The following SAMD5 variants were observed in gnomAD, a reference collection of about 807,000 sequenced individuals.
The protein encoded by SAMD5 is sterile alpha motif domain-containing protein 5.
A neutral mutation model predicts 11.3 loss-of-function variants in SAMD5; 13 were observed. That is an observed-to-expected ratio of 1.15 (90% confidence interval 0.75 to 1.83). The LOEUF is 1.83. Among genes scored for constraint, SAMD5 ranks in the 40% most tolerant of loss-of-function variants. The pLI is 0.00. For synonymous variants in SAMD5, 129 were observed against 111.3 expected, an observed-to-expected ratio of 1.16 and a Z score of -1.00; for missense variants, 255 against 239.1, an observed-to-expected ratio of 1.07 and a Z score of -0.44.
At chr6:147,539,751 A>T (rs1442525255) in intron 1 of SAMD5, among the ~76,000 whole-genome samples, 1 of 152,034 alleles carries the variant, frequency 6.6e-6, no homozygotes, top group African/African-American at 2.4e-5. Context: ...AGAAGAAAAA[A>T]CTTTTTTCTA....
At chr6:147,543,803 T>C (rs1281552918) in intron 1 of SAMD5, among the ~76,000 whole-genome samples, 1 of 152,116 alleles carries the variant, frequency 6.6e-6, no homozygotes, top group African/African-American at 2.4e-5. Context: ...TTCTTCAGGA[T>C]GAGGTGATCT....
chr6:147,895,221 G>C, the SAMD5 span, among the ~76,000 whole-genome samples: 1 of 152,116 alleles, frequency 6.6e-6, no homozygotes, highest in Admixed American at 6.5e-5. Flanking sequence ...AGGTGACAAA[G>C]TCCTTAAGAC....
chr6:147,756,944 A>G, the SAMD5 span, among the ~76,000 whole-genome samples: 1 of 152,226 alleles, frequency 6.6e-6, no homozygotes, highest in African/African-American at 2.4e-5. Flanking sequence ...TAGCATGTCA[A>G]GTGGATGTGT....
Position 147,691,404 on chromosome 6 carries a change from A to G in SAMD5, c.163-45913A>G, listed in dbSNP as rs756015221. Among the ~76,000 whole-genome samples the G allele has an allele frequency of 1.2e-4, 19 of 152,350 alleles. 1 individual carries two copies. The highest frequency in any genetic ancestry group is 4.1e-4 in the South Asian group (2 of 4,830). On this transcript the variant is annotated intron_variant, in intron 1 of 1. Coordinates refer to the SAMD5 transcript ENST00000566741. ...TTCAGTCATTAATTAATACAAAAAT[A>G]TCTTCTTTTCTCCAAATTATAGATA...
chr6:147,771,308 T>G, the SAMD5 span, among the ~76,000 whole-genome samples: 1 of 152,206 alleles, frequency 6.6e-6, no homozygotes, highest in Non-Finnish European at 1.5e-5. Context: ...GGTATGCCTG[T>G]GATGGCACAT....
intron 1 of SAMD5, among the ~76,000 whole-genome samples, chr6:147,695,311 T>G (rs2128457350): frequency 6.7e-6 from 1 of 150,340 alleles, no homozygotes; most frequent in East Asian, 1.9e-4. Flanking sequence ...TGCTTTGAGT[T>G]TCTATGATTT....
the SAMD5 span, among the ~76,000 whole-genome samples, chr6:147,847,780 G>A: frequency 3.9e-5 from 6 of 152,144 alleles, no homozygotes; most frequent in African/African-American, 1.4e-4. Flanking sequence ...TTGAACCTGG[G>A]AGATAGAGGT....
At chr6:147,744,199 T>C in the SAMD5 span, among the ~76,000 whole-genome samples, 2 of 152,208 alleles carry the variant, frequency 1.3e-5, no homozygotes, top group South Asian at 4.1e-4. Context: ...ACTAGCTGTG[T>C]GACCTTAGGT....
At chr6:147,526,561 C>T (rs376331189) in intron 1 of SAMD5, among the ~76,000 whole-genome samples, 33 of 152,124 alleles carry the variant, frequency 2.2e-4, no homozygotes, top group African/African-American at 3.6e-4. Flanking sequence ...ATCTTTCAGC[C>T]GTAACTGAAT....
At chr6:147,757,356 T>A in the SAMD5 span, among the ~76,000 whole-genome samples, 1 of 152,166 alleles carries the variant, frequency 6.6e-6, no homozygotes, top group Non-Finnish European at 1.5e-5. Context: ...CCTCATTCAT[T>A]TGCAGCTGGG....
chr6:147,643,845 C>T (rs560586555), intron 1 of SAMD5, among the ~76,000 whole-genome samples: 49 of 151,444 alleles, frequency 3.2e-4, no homozygotes, highest in Non-Finnish European at 6.3e-4. Context: ...AAAGAAGAGT[C>T]TTTACTAAAA....
the SAMD5 span, among the ~76,000 whole-genome samples, chr6:147,937,476 T>C: frequency 6.6e-6 from 1 of 152,218 alleles, no homozygotes; most frequent in Non-Finnish European, 1.5e-5. Context: ...TTTAGAATCC[T>C]CCTAGGCTGA....
the SAMD5 span, among the ~76,000 whole-genome samples, chr6:147,906,737 A>G: frequency 1.3e-5 from 2 of 152,184 alleles, no homozygotes; most frequent in Middle Eastern, 3.2e-3. Context: ...TAGATCAAAC[A>G]ACATGCAATG....
intron 1 of SAMD5, among the ~76,000 whole-genome samples, chr6:147,680,043 A>G (rs73011947): frequency 0.12 from 17,463 of 148,408 alleles, 1,096 homozygotes; most frequent in African/African-American, 0.16. Flanking sequence ...TGTAACTCCA[A>G]TATTGTTCTC....
At chr6:147,637,756 C>G (rs1196019500) in intron 1 of SAMD5, among the ~76,000 whole-genome samples, 3 of 152,162 alleles carry the variant, frequency 2.0e-5, no homozygotes, top group Non-Finnish European at 4.4e-5. Context: ...GGTTCATTCT[C>G]ACTCTTGTGC....
chr6:147,765,525 C>T, the SAMD5 span, among the ~76,000 whole-genome samples: 1 of 152,116 alleles, frequency 6.6e-6, no homozygotes, highest in Non-Finnish European at 1.5e-5. Context: ...AGAGAAAAGG[C>T]AACAGTGGAA....
chr6:147,769,914 G>T, the SAMD5 span, among the ~76,000 whole-genome samples: 1 of 152,202 alleles, frequency 6.6e-6, no homozygotes, highest in Admixed American at 6.5e-5. Context: ...CGCAGAGTGT[G>T]CATGAATCCA....
At chr6:147,785,684 T>C in the SAMD5 span, among the ~76,000 whole-genome samples, 1 of 152,162 alleles carries the variant, frequency 6.6e-6, no homozygotes, top group Non-Finnish European at 1.5e-5. Context: ...AATAGTGTGG[T>C]GACATTTGAG....
chr6:147,789,641 C>T, the SAMD5 span, among the ~76,000 whole-genome samples: 1 of 152,022 alleles, frequency 6.6e-6, no homozygotes, highest in Admixed American at 6.5e-5. Flanking sequence ...CATTACAGTC[C>T]ATACTGTATC....
Sources: gnomAD v4.1 joint callset for allele counts (sites outside exome capture counted in the v4.1 genomes callset) on GRCh38, gnomAD v4.1.1 for gene constraint, MANE v1.5 for transcripts, NCBI Gene and HGNC (gene_info 2026-07-23, HGNC 2026-07-21) for gene names.